Variants in PUDP observed in about 807,000 individuals in gnomAD.
PUDP encodes pseudouridine 5'-phosphatase.
A neutral mutation model predicts 9.4 loss-of-function variants in PUDP; 8 were observed. That is an observed-to-expected ratio of 0.85 (90% CI 0.50 to 1.53). The LOEUF is 1.53. PUDP is among the 40% of genes most tolerant of loss of function. PUDP has a pLI of 0.00. For synonymous variants in PUDP, 99 were observed against 80.7 expected, an observed-to-expected ratio of 1.23 and a Z score of -1.22; for missense variants, 188 against 189.7, an observed-to-expected ratio of 0.99 and a Z score of 0.05.
intron 2 of PUDP, among the ~76,000 whole-genome samples, chrX:7,104,581 T>A (rs1454500038): frequency 8.9e-6 from 1 of 112,136 alleles, no homozygotes; most frequent in Non-Finnish European, 1.9e-5. Context: ...ATTAAATTTG[T>A]ATATAGTAAC....
At chrX:7,001,712 G>A (rs769426761) in intron 1 of PUDP, among the ~76,000 whole-genome samples, 3 of 111,331 alleles carry the variant, frequency 2.7e-5, no homozygotes. Flanking sequence ...TTTCTGATGT[G>A]TGGGAAAATA....
At chrX:6,740,582 G>T (rs1336563270) in intron 3 of PUDP, among the ~76,000 whole-genome samples, 1 of 110,900 alleles carries the variant, frequency 9.0e-6, no homozygotes, top group African/African-American at 3.3e-5. Flanking sequence ...TGTCAGTATT[G>T]TAATCACTTT....
At chrX:6,800,022 G>A (rs140664767) in intron 3 of PUDP, among the ~76,000 whole-genome samples, 5 of 111,492 alleles carry the variant, frequency 4.5e-5, no homozygotes, top group African/African-American at 1.6e-4. Context: ...GGAAGACTAG[G>A]TTTTCTTCAC....
At chrX:6,853,453 G>GTGT (rs1555913274) in intron 3 of PUDP, among the ~76,000 whole-genome samples, 3 of 99,780 alleles carry the variant, frequency 3.0e-5, no homozygotes, top group African/African-American at 7.1e-5. Context: ...TTTTGTGTGT[G>GTGT]TTTTTTTTTT....
chrX:7,139,572 G>C (rs1366087050), intron 1 of PUDP, among the ~76,000 whole-genome samples: 1 of 111,624 alleles, frequency 9.0e-6, no homozygotes, highest in Admixed American at 9.5e-5. Flanking sequence ...GAGGGTTGGT[G>C]CTTATTTTGG....
At chrX:7,103,628 G>C (rs1931800601) in intron 2 of PUDP, among the ~76,000 whole-genome samples, 1 of 112,021 alleles carries the variant, frequency 8.9e-6, no homozygotes, top group Admixed American at 9.4e-5. Context: ...GAGCCAGAAT[G>C]GGAGAAAATG....
intron 2 of PUDP, among the ~76,000 whole-genome samples, chrX:7,104,315 C>T (rs748104946): frequency 4.1e-4 from 46 of 111,540 alleles, no homozygotes; most frequent in Non-Finnish European, 7.9e-4. Flanking sequence ...AAGATAAATA[C>T]TACATAATTC....
intron 3 of PUDP, among the ~76,000 whole-genome samples, chrX:6,794,273 A>C (rs1201322352): frequency 8.9e-6 from 1 of 112,497 alleles, no homozygotes; most frequent in Non-Finnish European, 1.9e-5. Flanking sequence ...AAGCCTCTAC[A>C]ATACGTTACT....
intron 1 of PUDP, among the ~76,000 whole-genome samples, chrX:7,144,434 G>A (rs189568252): frequency 7.1e-5 from 8 of 111,983 alleles, no homozygotes; most frequent in Non-Finnish European, 7.5e-5. Flanking sequence ...GAATGACAGC[G>A]CAAAACACAC....
chrX:6,729,353 C>T (rs953395105), intron 3 of PUDP, among the ~76,000 whole-genome samples: 17 of 111,899 alleles, frequency 1.5e-4, no homozygotes, highest in African/African-American at 5.2e-4. Context: ...CCCGTCTTTC[C>T]GGACCAAACC....
intron 3 of PUDP, among the ~76,000 whole-genome samples, chrX:6,971,931 C>A (rs1342842006): frequency 1.8e-5 from 2 of 111,839 alleles, no homozygotes; most frequent in East Asian, 2.8e-4. Context: ...TCCTTCACAT[C>A]CCTTGTAAGT....
Position 7,049,561 on chromosome X carries a change from CAG to C in PUDP, c.*733_*734del, listed in dbSNP as rs1930037718. 8.9e-6 allele frequency: 1 copy of C among 112,181 alleles called. No individual in the cohort carries two copies. The highest frequency in any genetic ancestry group is 1.9e-5 in the Non-Finnish European group (1 of 53,227). 9.2% of individuals were successfully genotyped at this position (112,181 alleles called of 1,213,427 possible). On this transcript the variant is annotated 3_prime_UTR_variant, in exon 4 of 4. Transcript: ENST00000381077. ...ACAATAAACTATGGATGACGTGGCA[CAG>C]AGTCAGTCAATGAGGAAAGATCCAG... is the stretch of plus-strand genomic sequence containing the variant.
chrX:7,147,899 G>C, intron 1 of PUDP, 154 bp downstream of exon 1: 3 of 317,351 alleles, frequency 9.5e-6, no homozygotes, highest in Non-Finnish European at 1.6e-5. Context: ...GCCCGACTTC[G>C]GGGCCAGCCG....
intron 1 of PUDP, among the ~76,000 whole-genome samples, chrX:7,020,296 C>T (rs1444777364): frequency 9.3e-6 from 1 of 107,286 alleles, no homozygotes; most frequent in Non-Finnish European, 1.9e-5. Flanking sequence ...AAACTTGCCA[C>T]TCAGGTGACC....
At chrX:7,016,931 C>T (rs1286934016) in intron 1 of PUDP, among the ~76,000 whole-genome samples, 1 of 111,535 alleles carries the variant, frequency 9.0e-6, no homozygotes, top group Non-Finnish European at 1.9e-5. Flanking sequence ...CAGCACTTTC[C>T]ACCACCTGCC....
chrX:7,091,134 C>G (rs1931409692), intron 2 of PUDP, among the ~76,000 whole-genome samples: 1 of 111,257 alleles, frequency 9.0e-6, no homozygotes, highest in South Asian at 3.8e-4. Flanking sequence ...GAAGCTATAC[C>G]AGCATTCTTT....
intron 1 of PUDP, among the ~76,000 whole-genome samples, chrX:6,978,738 C>T (rs868342445): frequency 5.3e-5 from 6 of 112,464 alleles, no homozygotes; most frequent in Non-Finnish European, 1.1e-4. Context: ...GGTCAGTGAT[C>T]GTGGTACTGA....
At position 7,133,449 on chromosome X, in the gene PUDP, A is replaced by G. The variant is rs375535869; in HGVS notation, c.61+14604T>C. Among the ~76,000 whole-genome samples, 14 of 112,388 alleles carry G rather than the reference A, an allele frequency of 1.2e-4. No individual in the cohort carries two copies. In the East Asian group the frequency reaches 3.9e-3, roughly 31 times the overall value. ...AGAGGAACTATCCGTGAAGCCAAAGAGAAAGATTTCCAAGGAGGGTGCAGA... is the reference window on the plus strand; with the variant it reads ...AGAGGAACTATCCGTGAAGCCAAAGGGAAAGATTTCCAAGGAGGGTGCAGA... On this transcript the variant is annotated intron_variant, in intron 1 of 3. Coordinates refer to ENST00000381077, the MANE Select transcript of PUDP (RefSeq NM_012080.5).
At chrX:7,146,835 GTTTTTTTT>G (rs72051800) in intron 1 of PUDP, among the ~76,000 whole-genome samples, 1 of 83,019 alleles carries the variant, frequency 1.2e-5, no homozygotes, top group African/African-American at 4.5e-5. Context: ...GAGCTGCAGG[GTTTTTTTT>G]TTTTTTTTTT....
Sources: allele counts gnomAD v4.1 joint callset (sites outside exome capture counted in the v4.1 genomes callset), GRCh38; gene constraint gnomAD v4.1.1; transcripts MANE v1.5; gene names NCBI Gene and HGNC (gene_info 2026-07-23, HGNC 2026-07-21).